The following DLG4 variants were observed in gnomAD, a reference collection of about 807,000 sequenced individuals.
DLG4 encodes the protein discs large MAGUK scaffold protein 4.
Under a neutral mutation model 93.8 loss-of-function variants are expected in DLG4, and 7 were observed. That is an observed-to-expected ratio of 0.07 (90% CI 0.04 to 0.14). The LOEUF is 0.14. Ranked by LOEUF, DLG4 falls within the 10% of genes least tolerant of loss-of-function variation. The probability of loss-of-function intolerance (pLI) is 1.00; values close to 1 mark genes in which losing one functional copy is unlikely to be tolerated. For missense variants in DLG4, 545 were observed against 992.9 expected, an observed-to-expected ratio of 0.55 and a Z score of 6.06; for synonymous variants, 341 against 387.6, an observed-to-expected ratio of 0.88 and a Z score of 1.41.
chr17:7,205,195 G>T lies in DLG4; in HGVS notation c.97-943C>A, dbSNP rs143801882. On this transcript the variant is annotated intron_variant, in intron 2 of 19. Transcript: ENST00000399506. ...CAAAGGACGTCAGGAACTGGGAGTGGTGAAAGACATCCGGGTCCTATCCCG... is the reference window on the plus strand; with the variant it reads ...CAAAGGACGTCAGGAACTGGGAGTGTTGAAAGACATCCGGGTCCTATCCCG... 6.1e-6 allele frequency: 6 copies of T among 982,762 alleles called. No homozygotes were observed. The African/African-American group carries it at 1.0e-4, about 17-fold the overall frequency. The allele number at this position is 982,762 out of a possible 1,614,324, so 60.9% of individuals were successfully genotyped here. A position where few individuals can be genotyped will look rare whatever the true frequency, so the allele number is the denominator to read the frequency against.
At chr17:7,214,855 T>C (rs1024221100) in intron 1 of DLG4, among the ~76,000 whole-genome samples, 1 of 152,122 alleles carries the variant, frequency 6.6e-6, no homozygotes, top group East Asian at 1.9e-4. Context: ...AGAGTGGAGT[T>C]TGCACACAAC....
chr17:7,208,310 G>T lies in DLG4; in HGVS notation c.31-71C>A, dbSNP rs2070572392. The T allele has an allele frequency of 7.9e-7, 1 of 1,260,190 alleles. No individual in the cohort carries two copies. Among genetic ancestry groups the T allele is most frequent in the Non-Finnish European group, 1.0e-6 (1 of 981,876 alleles). The allele number at this position is 1,260,190 out of a possible 1,614,324, so 78.1% of individuals were successfully genotyped here. A position where few individuals can be genotyped will look rare whatever the true frequency, so the allele number is the denominator to read the frequency against. On this transcript the variant is annotated intron_variant, in intron 1 of 19. Transcript: ENST00000399506. The surrounding 1 kb of genome is among the most constrained non-coding windows in gnomAD (Gnocchi z 5.4). ...AGGCTCCAGGCTGGCCGCCCTGGCC[G>T]CCGCCTCTTCCCCCAGCCAGTGCAG... is the stretch of plus-strand genomic sequence containing the variant.
At chr17:7,213,011 C>T (rs560061808) in intron 1 of DLG4, among the ~76,000 whole-genome samples, 7 of 151,916 alleles carry the variant, frequency 4.6e-5, no homozygotes, top group South Asian at 4.2e-4. Flanking sequence ...CTAGCCTAGG[C>T]GACAGAGTGA....
At position 7,196,986 on chromosome 17, in the gene DLG4, G is replaced by A; in HGVS notation, c.854C>T (p.Ala285Val). The change falls in exon 9 of 20, where the codon GCC (alanine) becomes GTC (valine). Residue 285 changes from alanine to valine, a missense_variant. Transcript: ENST00000399506. The surrounding 1 kb of genome is among the most constrained non-coding windows in gnomAD (Gnocchi z 8.3). ...GCGCCGAGGGGAAGTGGGGGTCATG[G>A]CTGTGGGGTAGTCGGTGCCCAGGTA... ...SSYLGTDYPT[A>V]MTPTSPRRYS... 1.9e-6 allele frequency: 3 copies of A among 1,613,756 alleles called. 1 individual carries two copies. In the South Asian group the frequency reaches 3.3e-5, roughly 18 times the overall value.
chr17:7,209,794 GT>G (rs1222744033), intron 1 of DLG4, among the ~76,000 whole-genome samples: 5 of 152,166 alleles, frequency 3.3e-5, no homozygotes, highest in African/African-American at 9.7e-5. Flanking sequence ...GCCAGGAGCA[GT>G]GGCTGATGCT....
rs1597433518 is a variant in DLG4, at chr17:7,190,389, A to G, written c.*319T>C. The G allele has an allele frequency of 2.7e-6, 1 of 364,782 alleles. No individual in the cohort carries two copies. The highest frequency in any genetic ancestry group is 5.5e-5 in the East Asian group (1 of 18,212). The allele number at this position is 364,782 out of a possible 1,614,324, so 22.6% of individuals were successfully genotyped here. On this transcript the variant is annotated 3_prime_UTR_variant, in exon 20 of 20. Coordinates refer to ENST00000399506, the MANE Select transcript of DLG4 (RefSeq NM_001321075.3). Reference sequence around the variant, plus strand: ...GAATGTGTGTGGGAGAGGATGGGGGAGGGCAGGTGGCCCCCGGTGGGTCTG... The same window carrying G: ...GAATGTGTGTGGGAGAGGATGGGGGGGGGCAGGTGGCCCCCGGTGGGTCTG...
chr17:7,206,999 G>T (rs1211322090), intron 2 of DLG4, among the ~76,000 whole-genome samples: 4 of 152,162 alleles, frequency 2.6e-5, no homozygotes, highest in Admixed American at 6.6e-5. Context: ...AAGATGGAAA[G>T]TGGACTGGAG....
upstream of DLG4, chr17:7,219,645 T>A: frequency 7.9e-7 from 1 of 1,262,680 alleles, no homozygotes; most frequent in Non-Finnish European, 1.0e-6. Flanking sequence ...AAGCCCTCCC[T>A]TCAGTCCACC....
At chr17:7,204,173 C>T (rs751962463) in intron 3 of DLG4, 26 bp downstream of exon 3, 1 of 1,605,936 alleles carries the variant, frequency 6.2e-7, no homozygotes, top group Non-Finnish European at 8.5e-7. Flanking sequence ...TGCAATGGCC[C>T]CAGCCCCAAA....
chr17:7,199,443 C>T (rs1160616733), intron 8 of DLG4, among the ~76,000 whole-genome samples: 1 of 151,942 alleles, frequency 6.6e-6, no homozygotes, highest in African/African-American at 2.4e-5. Context: ...TCAGGTGATC[C>T]GCCTGCCTCA....
At chr17:7,219,448 A>G (rs1245223935), upstream of DLG4, 1 of 1,023,688 alleles carries the variant, frequency 9.8e-7, no homozygotes. Flanking sequence ...AATGGCCTAC[A>G]TCTCAGAAGA....
At chr17:7,204,980 G>A in intron 2 of DLG4, 3 of 985,706 alleles carry the variant, frequency 3.0e-6, no homozygotes, top group Non-Finnish European at 3.6e-6. Context: ...CAACAGGGGG[G>A]TGGGGCGTGG....
Position 7,197,068 on chromosome 17 carries a change from C to A in DLG4, c.788-16G>T, listed in dbSNP as rs765802270. ...TGGGAATAAGCTGAGGAAGACAGGG[C>A]AGAGATGAAAGTGCCTGGAGGGAAA... On this transcript the variant is annotated splice_polypyrimidine_tract_variant and intron_variant, in intron 8 of 19. Transcript: ENST00000399506. The A allele has an allele frequency of 1.9e-6, 3 of 1,587,894 alleles. No homozygotes were observed. Among genetic ancestry groups the A allele is most frequent in the Non-Finnish European group, 2.6e-6 (3 of 1,163,970 alleles).
chr17:7,192,166 C>A, intron 17 of DLG4, 164 bp from the exon 18 acceptor site: 1 of 460,160 alleles, frequency 2.2e-6, no homozygotes, highest in Non-Finnish European at 3.8e-6. Context: ...AGGCAGGAAG[C>A]GGGTATGGAC....
chr17:7,210,970 AAGGCTCCTC>A (rs1034962000), intron 1 of DLG4, among the ~76,000 whole-genome samples: 9 of 151,892 alleles, frequency 5.9e-5, no homozygotes, highest in Non-Finnish European at 1.2e-4. Context: ...CACTGAAGAA[AAGGCTCCTC>A]AGGATTGGGA....
chr17:7,187,929 G>C lies in DLG4; in HGVS notation c.*2779C>G, dbSNP rs2069335188. ...ACTAAAAATATTAAAAAATAGCTGT[G>C]TGTTATGGCACGCATCTGTAATCCC... On this transcript the variant is annotated 3_prime_UTR_variant, in exon 20 of 20. Transcript: ENST00000399506. Among the ~76,000 whole-genome samples, 1 of 152,068 alleles carries C rather than the reference G, an allele frequency of 6.6e-6. No individual in the cohort carries two copies. Among genetic ancestry groups the C allele is most frequent in the African/African-American group, 2.4e-5 (1 of 41,404 alleles).
chr17:7,212,400 C>G (rs1224041606), intron 1 of DLG4, among the ~76,000 whole-genome samples: 1 of 152,202 alleles, frequency 6.6e-6, no homozygotes, highest in Non-Finnish European at 1.5e-5. Context: ...TCACATCTAT[C>G]TCCCAATCCA....
intron 2 of DLG4, chr17:7,205,240 C>G (rs528281094): frequency 1.4e-4 from 129 of 911,498 alleles, no homozygotes; most frequent in African/African-American, 2.9e-4. Flanking sequence ...TCCCTCCCCC[C>G]ACTTCATTCG....
intron 8 of DLG4, among the ~76,000 whole-genome samples, chr17:7,200,608 G>A (rs1239068690): frequency 3.3e-5 from 5 of 151,474 alleles, no homozygotes; most frequent in East Asian, 3.9e-4. Context: ...GTGCAATGGC[G>A]CGATCTCAGC....
Sources: gnomAD v4.1 joint callset for allele counts (sites outside exome capture counted in the v4.1 genomes callset) on GRCh38, gnomAD v4.1.1 for gene constraint, Gnocchi (gnomAD v3.1) non-coding constraint, MANE v1.5 for transcripts, NCBI Gene and HGNC (gene_info 2026-07-23, HGNC 2026-07-21) for gene names.